BMERB1: variants seen among roughly 807,000 people sequenced by gnomAD.
The protein encoded by BMERB1 is bMERB domain-containing protein 1.
Under a neutral mutation model 23.6 loss-of-function variants are expected in BMERB1, and 12 were observed. That is an observed-to-expected ratio of 0.51 (90% CI 0.33 to 0.82). The LOEUF (loss-of-function observed/expected upper bound fraction) is 0.82. Among genes scored for constraint, BMERB1 ranks in the 40% least tolerant of loss-of-function variants. The pLI, the probability that BMERB1 is intolerant of heterozygous loss-of-function variation, is 0.03. For synonymous variants in BMERB1, 122 were observed against 96.6 expected, an observed-to-expected ratio of 1.26 and a Z score of -1.54; for missense variants, 247 against 255.4, an observed-to-expected ratio of 0.97 and a Z score of 0.22.
chr16:15,500,903 C>T (rs770457448), intron 1 of BMERB1, among the ~76,000 whole-genome samples: 6 of 152,188 alleles, frequency 3.9e-5, no homozygotes, highest in Non-Finnish European at 8.8e-5. Context: ...CCACCTGCCT[C>T]GGCCTCCCAA....
chr16:15,479,297 A>AT (rs146080051), intron 1 of BMERB1, among the ~76,000 whole-genome samples: 2,102 of 152,326 alleles, frequency 0.014, 55 homozygotes, highest in African/African-American at 0.049. Context: ...AATGTGGAAG[A>AT]TCAGTGTAAA....
chr16:15,524,784 A>G (rs1567484375), intron 2 of BMERB1, among the ~76,000 whole-genome samples: 1 of 152,156 alleles, frequency 6.6e-6, no homozygotes, highest in Non-Finnish European at 1.5e-5. Flanking sequence ...GAAAATAAAT[A>G]AATCAAATAA....
At chr16:15,565,879 C>A in intron 2 of BMERB1, among the ~76,000 whole-genome samples, 1 of 152,140 alleles carries the variant, frequency 6.6e-6, no homozygotes, top group East Asian at 1.9e-4. Flanking sequence ...AAGACAAAGA[C>A]ACGCAGAGTG....
At chr16:15,586,609 C>T in intron 5 of BMERB1, 108 bp from the exon 6 acceptor site, 1 of 861,342 alleles carries the variant, frequency 1.2e-6, no homozygotes, top group Non-Finnish European at 1.9e-6. Context: ...CAAGACCTGG[C>T]CAGGGGTTGC....
At chr16:15,562,196 G>A (rs1035123122) in intron 2 of BMERB1, among the ~76,000 whole-genome samples, 3 of 151,520 alleles carry the variant, frequency 2.0e-5, no homozygotes, top group African/African-American at 7.3e-5. Flanking sequence ...TCAGCTACTT[G>A]GAAGGCTTAG....
chr16:15,442,192 G>A (rs946887165), intron 1 of BMERB1, among the ~76,000 whole-genome samples: 17 of 152,068 alleles, frequency 1.1e-4, no homozygotes, highest in Non-Finnish European at 2.9e-5. Context: ...TTAGCTGGGC[G>A]TGGTGGCGCA....
intron 1 of BMERB1, among the ~76,000 whole-genome samples, chr16:15,435,017 G>T (rs2050875977): frequency 6.6e-6 from 1 of 152,260 alleles, no homozygotes; most frequent in Non-Finnish European, 1.5e-5. Context: ...GCCTGGGCTC[G>T]ACTTAGGAGT....
intron 2 of BMERB1, among the ~76,000 whole-genome samples, chr16:15,532,204 G>A (rs1482453800): frequency 2.0e-5 from 3 of 151,922 alleles, no homozygotes; most frequent in African/African-American, 2.4e-5. Context: ...TCTGCCAAAC[G>A]TGGTAGGATC....
At position 15,541,423 on chromosome 16, in the gene BMERB1, G is replaced by GT. The variant is rs869249451; in HGVS notation, c.230+26017dup. On this transcript the variant is annotated intron_variant, in intron 2 of 5. Coordinates refer to ENST00000300006, the MANE Select transcript of BMERB1 (RefSeq NM_033201.3). The stretch of plus-strand genomic sequence containing the variant: ...GGGACTGGAAGTTGCCCGCCGAATT[G>GT]TTTTTTTTTTTTTTTTTTTTTTGAG... Among the ~76,000 whole-genome samples, 715 of 92,100 alleles carry GT rather than the reference G, an allele frequency of 7.8e-3. 4 individuals carry two copies. The highest frequency in any genetic ancestry group is 0.01 in the Non-Finnish European group (522 of 52,012). 60.4% of individuals were successfully genotyped at this position (92,100 alleles called of 152,430 possible). A position where few individuals can be genotyped will look rare whatever the true frequency, so the allele number is the denominator to read the frequency against.
chr16:15,535,818 G>A (rs192887542), intron 2 of BMERB1, among the ~76,000 whole-genome samples: 3 of 152,128 alleles, frequency 2.0e-5, no homozygotes, highest in Admixed American at 2.0e-4. Flanking sequence ...GTTTCGCATG[G>A]CTGGGGAGGC....
At chr16:15,530,164 C>A (rs1157997984) in intron 2 of BMERB1, among the ~76,000 whole-genome samples, 1 of 152,162 alleles carries the variant, frequency 6.6e-6, no homozygotes, top group Non-Finnish European at 1.5e-5. Flanking sequence ...TGTCAAATCC[C>A]TCTGTTTTTC....
intron 1 of BMERB1, among the ~76,000 whole-genome samples, chr16:15,469,254 C>G (rs1433920598): frequency 2.6e-5 from 4 of 152,194 alleles, no homozygotes; most frequent in Non-Finnish European, 5.9e-5. Flanking sequence ...GCATGAGCCA[C>G]TGCACCCACC....
chr16:15,476,369 G>C (rs560977648), intron 1 of BMERB1, among the ~76,000 whole-genome samples: 1 of 152,062 alleles, frequency 6.6e-6, no homozygotes, highest in African/African-American at 2.4e-5. Flanking sequence ...CACCATGTTG[G>C]CCAGGCTGGT....
intron 1 of BMERB1, among the ~76,000 whole-genome samples, chr16:15,463,167 C>T (rs892166809): frequency 6.6e-6 from 1 of 151,564 alleles, no homozygotes; most frequent in Non-Finnish European, 1.5e-5. Flanking sequence ...CAGCTTTGAA[C>T]TCTTCATCTT....
chr16:15,479,247 G>A lies in BMERB1; in HGVS notation c.107-36058G>A, dbSNP rs148512524. ...AGAAGACTTTTTGATGTGATTGGTC[G>A]TAATGTTAATGAATGTGATTTTGGG... is the stretch of plus-strand genomic sequence containing the variant. On this transcript the variant is annotated intron_variant, in intron 1 of 5. Transcript: ENST00000300006. Among the ~76,000 whole-genome samples, 538 of 152,284 alleles carry A rather than the reference G, an allele frequency of 3.5e-3. 4 individuals are homozygous for A. The highest frequency in any genetic ancestry group is 6.4e-3 in the Non-Finnish European group (435 of 68,014).
chr16:15,565,765 T>G (rs920419276), intron 2 of BMERB1, among the ~76,000 whole-genome samples: 1 of 151,922 alleles, frequency 6.6e-6, no homozygotes, highest in African/African-American at 2.4e-5. Flanking sequence ...GAGGCTGAGG[T>G]GGGAAGATCA....
At chr16:15,572,425 C>T (rs1451012589) in intron 3 of BMERB1, among the ~76,000 whole-genome samples, 1 of 152,094 alleles carries the variant, frequency 6.6e-6, no homozygotes, top group East Asian at 1.9e-4. Context: ...ATAGACTTTC[C>T]TAGTTGAAAG....
At chr16:15,478,715 A>G (rs1475465462) in intron 1 of BMERB1, among the ~76,000 whole-genome samples, 3 of 152,226 alleles carry the variant, frequency 2.0e-5, no homozygotes, top group Non-Finnish European at 4.4e-5. Context: ...CCTTAGCACA[A>G]GAAGGCAGGG....
intron 2 of BMERB1, among the ~76,000 whole-genome samples, chr16:15,531,653 T>G (rs1598499535): frequency 6.6e-6 from 1 of 151,984 alleles, no homozygotes; most frequent in African/African-American, 2.4e-5. Flanking sequence ...TTTTTTGAAA[T>G]CTCCCAAAAA....
Sources: gnomAD v4.1 joint callset for allele counts (sites outside exome capture counted in the v4.1 genomes callset) on GRCh38, gnomAD v4.1.1 for gene constraint, MANE v1.5 for transcripts, NCBI Gene and HGNC (gene_info 2026-07-23, HGNC 2026-07-21) for gene names.